The following ZFHX3 variants were observed in gnomAD, a reference collection of about 807,000 sequenced individuals.
ZFHX3 encodes zinc finger homeobox protein 3.
A neutral mutation model predicts 279.1 loss-of-function variants in ZFHX3; 42 were observed. The ratio of observed to expected loss-of-function variants is 0.15; its 90% CI spans 0.12 to 0.19. The LOEUF (loss-of-function observed/expected upper bound fraction) is 0.19, where lower values mean the gene tolerates loss of function less well. Among genes scored for constraint, ZFHX3 ranks in the 10% least tolerant of loss-of-function variants. The probability of loss-of-function intolerance (pLI) is 1.00; values close to 1 mark genes in which losing one functional copy is unlikely to be tolerated. For missense variants in ZFHX3, 4,981 were observed against 4,754.0 expected (o/e 1.05, Z -1.40); for synonymous variants, 2,293 against 1,957.8 (o/e 1.17, Z -4.52).
chr16:73,339,155 C>T (rs2015981823), intron 3 of ZFHX3, among the ~76,000 whole-genome samples: 1 of 152,214 alleles, frequency 6.6e-6, no homozygotes, highest in Non-Finnish European at 1.5e-5. Context: ...TTCAGGCCAT[C>T]CAACTTGGGC....
chr16:72,876,739 T>C (rs1332150592), intron 4 of ZFHX3, among the ~76,000 whole-genome samples: 1 of 148,744 alleles, frequency 6.7e-6, no homozygotes, highest in Non-Finnish European at 1.5e-5. Context: ...TGCTTTTCAA[T>C]TTTTTTCCCC....
chr16:73,730,631 C>A (rs138032386), intron 1 of ZFHX3, among the ~76,000 whole-genome samples: 2 of 152,276 alleles, frequency 1.3e-5, no homozygotes, highest in East Asian at 3.9e-4. Context: ...TCCCAAGAGG[C>A]CCACTCATGT....
intron 1 of ZFHX3, among the ~76,000 whole-genome samples, chr16:73,013,577 G>A (rs574007002): frequency 7.2e-5 from 11 of 152,024 alleles, no homozygotes; most frequent in Non-Finnish European, 7.4e-5. Flanking sequence ...CCTGAACCAC[G>A]GTGCCTGGCC....
chr16:72,829,301 G>A (rs1392487107), intron 5 of ZFHX3, among the ~76,000 whole-genome samples: 1 of 151,906 alleles, frequency 6.6e-6, no homozygotes, highest in Admixed American at 6.6e-5. Flanking sequence ...GAGCCACTGT[G>A]CCTGACCCTT....
chr16:73,189,808 G>T (rs1967988979), intron 5 of ZFHX3, among the ~76,000 whole-genome samples: 1 of 152,158 alleles, frequency 6.6e-6, no homozygotes, highest in Non-Finnish European at 1.5e-5. Flanking sequence ...AAAGTGTAAG[G>T]ACTGGGCAGG....
intron 2 of ZFHX3, among the ~76,000 whole-genome samples, chr16:73,534,689 T>C (rs1199725084): frequency 1.3e-5 from 2 of 152,220 alleles, no homozygotes; most frequent in Admixed American, 1.3e-4. Context: ...GCTCTCAAAA[T>C]AATGCACAAT....
chr16:73,327,328 A>C (rs2015710799), intron 3 of ZFHX3, among the ~76,000 whole-genome samples: 1 of 152,152 alleles, frequency 6.6e-6, no homozygotes, highest in African/African-American at 2.4e-5. Flanking sequence ...CAATATTCCA[A>C]GTATTCCATG....
chr16:73,613,447 T>TG lies in ZFHX3; in HGVS notation c.-1547+66732_-1547+66733insC, dbSNP rs559444558. Among the ~76,000 whole-genome samples, 116 of 149,248 alleles carry TG rather than the reference T, an allele frequency of 7.8e-4. 1 individual carries two copies. The South Asian group carries it at 0.023, about 30-fold the overall frequency. On this transcript the variant is annotated intron_variant, in intron 2 of 17. Coordinates refer to the ZFHX3 transcript ENST00000641206. ...TTGTTCTTAGCTTTTGCTTTTTTTGTTTGTTTGTTTTTTGGATGTGAGGCA... is the reference window on the plus strand; with the variant it reads ...TTGTTCTTAGCTTTTGCTTTTTTTGTGTTGTTTGTTTTTTGGATGTGAGGCA...
At chr16:72,928,175 A>AG (rs1173280177) in intron 3 of ZFHX3, among the ~76,000 whole-genome samples, 11 of 20,492 alleles carry the variant, frequency 5.4e-4, no homozygotes, top group African/African-American at 2.3e-3. Flanking sequence ...AGGGAGGGGG[A>AG]GGGGAGAGAG....
chr16:72,836,713 T>C (rs1207407446), intron 4 of ZFHX3, among the ~76,000 whole-genome samples: 3 of 151,804 alleles, frequency 2.0e-5, no homozygotes, highest in African/African-American at 4.8e-5. Context: ...GCAGAGTATA[T>C]ACATTTACTG....
chr16:73,230,760 C>G (rs1444398873), intron 5 of ZFHX3, among the ~76,000 whole-genome samples: 1 of 152,200 alleles, frequency 6.6e-6, no homozygotes, highest in Non-Finnish European at 1.5e-5. Flanking sequence ...CACCTCAGCC[C>G]GTGTGATATA....
intron 7 of ZFHX3, among the ~76,000 whole-genome samples, chr16:73,098,171 G>A (rs997865842): frequency 2.0e-5 from 3 of 151,320 alleles, no homozygotes; most frequent in Non-Finnish European, 4.4e-5. Context: ...GGGTTCAAGC[G>A]ATTCTCCTGC....
intron 3 of ZFHX3, among the ~76,000 whole-genome samples, chr16:73,339,263 C>T (rs2015983829): frequency 1.3e-5 from 2 of 152,186 alleles, no homozygotes; most frequent in African/African-American, 4.8e-5. Context: ...TTTTCTTCTT[C>T]ACCTGCTCTC....
intron 3 of ZFHX3, chr16:73,401,531 T>C (rs558594901): frequency 6.6e-6 from 1 of 152,144 alleles, no homozygotes; most frequent in South Asian, 2.1e-4. Context: ...CCTTGGGCCT[T>C]GTGCAGCATT....
intron 1 of ZFHX3, among the ~76,000 whole-genome samples, chr16:73,057,884 C>T (rs1482825200): frequency 4.0e-5 from 6 of 149,414 alleles, no homozygotes; most frequent in African/African-American, 1.5e-4. Context: ...GCGGCAGCAG[C>T]AGTGGCTGCG....
At chr16:73,291,918 CTTTG>C (rs1255569161) in intron 4 of ZFHX3, among the ~76,000 whole-genome samples, 1 of 152,098 alleles carries the variant, frequency 6.6e-6, no homozygotes, top group Non-Finnish European at 1.5e-5. Flanking sequence ...TCACTTTTGT[CTTTG>C]TTTGATAATG....
chr16:73,441,790 C>A (rs1488557942), intron 3 of ZFHX3, among the ~76,000 whole-genome samples: 1 of 152,174 alleles, frequency 6.6e-6, no homozygotes, highest in East Asian at 1.9e-4. Context: ...CTCTGAGTCT[C>A]AGTGTCTTGG....
intron 3 of ZFHX3, among the ~76,000 whole-genome samples, chr16:72,899,576 G>A (rs979340041): frequency 6.6e-6 from 1 of 152,136 alleles, no homozygotes. Context: ...TCTAGCTTGT[G>A]CTCATCCAAC....
At chr16:72,924,632 G>A (rs550836021) in intron 3 of ZFHX3, among the ~76,000 whole-genome samples, 2 of 152,228 alleles carry the variant, frequency 1.3e-5, no homozygotes, top group African/African-American at 2.4e-5. Flanking sequence ...GCAGAACTAC[G>A]ACACCAGCCC....
Sources: gnomAD v4.1 joint callset for allele counts (sites outside exome capture counted in the v4.1 genomes callset) on GRCh38, gnomAD v4.1.1 for gene constraint, MANE v1.5 for transcripts, NCBI Gene and HGNC (gene_info 2026-07-23, HGNC 2026-07-21) for gene names.